NCS1: variants seen among roughly 807,000 people sequenced by gnomAD.
The protein encoded by NCS1 is neuronal calcium sensor 1, also known as frequenin homolog.
A neutral mutation model predicts 28.4 loss-of-function variants in NCS1; 6 were observed. That is an observed-to-expected ratio of 0.21 (90% CI 0.12 to 0.42). The LOEUF (loss-of-function observed/expected upper bound fraction) is 0.42. NCS1 is among the 10% of genes least tolerant of loss of function. NCS1 has a pLI of 1.00. For synonymous variants in NCS1, 86 were observed against 99.3 expected (o/e 0.87, Z 0.79); for missense variants, 131 against 241.4 (o/e 0.54, Z 3.03).
chr9:130,198,622 G>A (rs1214582488), intron 1 of NCS1, among the ~76,000 whole-genome samples: 4 of 152,222 alleles, frequency 2.6e-5, no homozygotes, highest in Non-Finnish European at 5.9e-5. Context: ...TTGGGAAAAC[G>A]GGGTCACACC....
Position 130,192,636 on chromosome 9 carries a change from C to T in NCS1, c.65-8322C>T, listed in dbSNP as rs989153651. On this transcript the variant is annotated intron_variant, in intron 1 of 7. Transcript: ENST00000372398. This position sits in a 1 kb window ranked among gnomAD's most constrained non-coding sequence, Gnocchi z 4.8. Reference sequence around the variant, plus strand: ...AGCAAAGGTGGGCAGCCAGGACTCCCTGCCCACCCAGGAACACCAGCATAT... The same window carrying T: ...AGCAAAGGTGGGCAGCCAGGACTCCTTGCCCACCCAGGAACACCAGCATAT... Among the ~76,000 whole-genome samples the T allele has an allele frequency of 1.3e-5, 2 of 152,056 alleles. No homozygotes were observed. Among genetic ancestry groups the T allele is most frequent in the Non-Finnish European group, 2.9e-5 (2 of 67,986 alleles).
rs1016740115 is a variant in NCS1 at position 130,186,774 on chromosome 9, G to A, written c.64+14047G>A. 2.0e-5 allele frequency among the ~76,000 whole-genome samples: 3 copies of A among 152,232 alleles called. No individual in the cohort carries two copies. Among genetic ancestry groups the A allele is most frequent in the Admixed American group, 1.3e-4 (2 of 15,292 alleles). ...GAGGTGTCAAGGTTTGGCAACTCTGGGGACATGAAATTGCACGGTGACTGC... is the reference window on the plus strand; with the variant it reads ...GAGGTGTCAAGGTTTGGCAACTCTGAGGACATGAAATTGCACGGTGACTGC... On this transcript the variant is annotated intron_variant, in intron 1 of 7. Coordinates refer to ENST00000372398, the MANE Select transcript of NCS1 (RefSeq NM_014286.4). This position sits in a 1 kb window ranked among gnomAD's most constrained non-coding sequence, Gnocchi z 4.1.
chr9:130,198,486 A>G (rs1832903436), intron 1 of NCS1, among the ~76,000 whole-genome samples: 1 of 152,162 alleles, frequency 6.6e-6, no homozygotes, highest in African/African-American at 2.4e-5. Context: ...AGACTCAAGG[A>G]GTTGTATCCA....
chr9:130,196,395 T>C (rs782058493), intron 1 of NCS1, among the ~76,000 whole-genome samples: 7 of 152,214 alleles, frequency 4.6e-5, no homozygotes, highest in African/African-American at 1.2e-4. Context: ...TTCTAAACCA[T>C]GTCACAAGAG....
At position 130,226,972 on chromosome 9, in the gene NCS1, G is replaced by A. The variant is rs547992250; in HGVS notation, c.*17+468G>A. The stretch of plus-strand genomic sequence containing the variant: ...CAGGAGGTGGAGATTGCAGTGAGCC[G>A]AGATCGTGCCACTGCACTCCAGCCT... On this transcript the variant is annotated intron_variant, in intron 7 of 7. Coordinates refer to ENST00000372398, the MANE Select transcript of NCS1 (RefSeq NM_014286.4). This position sits in a 1 kb window ranked among gnomAD's most constrained non-coding sequence, Gnocchi z 4.8. Among the ~76,000 whole-genome samples the A allele has an allele frequency of 1.8e-4, 26 of 144,382 alleles. No individual in the cohort carries two copies. The highest frequency in any genetic ancestry group is 5.5e-4 in the African/African-American group (21 of 38,452). 94.7% of individuals were successfully genotyped at this position (144,382 alleles called of 152,430 possible). A position where few individuals can be genotyped will look rare whatever the true frequency, so the allele number is the denominator to read the frequency against.
chr9:130,199,600 A>G (rs1333757963), intron 1 of NCS1, among the ~76,000 whole-genome samples: 1 of 152,158 alleles, frequency 6.6e-6, no homozygotes, highest in East Asian at 1.9e-4. Context: ...CAGTTTCCAC[A>G]TTTGGAGCTG....
chr9:130,181,054 T>G lies in NCS1; in HGVS notation c.64+8327T>G, dbSNP rs1554905103. Among the ~76,000 whole-genome samples the G allele has an allele frequency of 6.6e-6, 1 of 152,174 alleles. No individual in the cohort carries two copies. Among genetic ancestry groups the G allele is most frequent in the Non-Finnish European group, 1.5e-5 (1 of 68,036 alleles). On this transcript the variant is annotated intron_variant, in intron 1 of 7. Coordinates refer to ENST00000372398, the MANE Select transcript of NCS1 (RefSeq NM_014286.4). The surrounding 1 kb of genome is among the most constrained non-coding windows in gnomAD (Gnocchi z 5.0). ...ACCATCATGGCCTGGACAGTGGCTT[T>G]GGAGTCACTAGTTCCCTCTGGGACT...
chr9:130,225,075 C>G (rs1171520014), intron 6 of NCS1, among the ~76,000 whole-genome samples: 2 of 152,114 alleles, frequency 1.3e-5, no homozygotes, highest in Non-Finnish European at 2.9e-5. Context: ...ACCTGTGGTC[C>G]CAGCTACTCG....
intron 1 of NCS1, among the ~76,000 whole-genome samples, chr9:130,190,032 A>AG (rs1554906086): frequency 3.3e-5 from 4 of 120,470 alleles, no homozygotes; most frequent in African/African-American, 3.3e-5. Context: ...ATGTTTATGC[A>AG]AGAGAGAGAG....
intron 2 of NCS1, among the ~76,000 whole-genome samples, chr9:130,214,542 G>A (rs1833157475): frequency 6.6e-6 from 1 of 152,208 alleles, no homozygotes; most frequent in South Asian, 2.1e-4. Context: ...GATGCTGGAG[G>A]CGGGACGAGG....
chr9:130,195,435 G>GTT (rs782788352), intron 1 of NCS1, among the ~76,000 whole-genome samples: 43 of 142,902 alleles, frequency 3.0e-4, no homozygotes, highest in African/African-American at 8.9e-4. Flanking sequence ...GCTGGGCTTT[G>GTT]TTTTTTTTTT....
Position 130,192,129 on chromosome 9 carries a change from T to G in NCS1, c.65-8829T>G, listed in dbSNP as rs1554906315. 6.6e-6 allele frequency among the ~76,000 whole-genome samples: 1 copy of G among 152,074 alleles called. No individual in the cohort carries two copies. The highest frequency in any genetic ancestry group is 1.5e-5 in the Non-Finnish European group (1 of 67,962). ...CAGCTGCCCTTTAGCCAGGCAGTGG[T>G]GGCAGACAGGTATGGGATTGGGAGT... On this transcript the variant is annotated intron_variant, in intron 1 of 7. Transcript: ENST00000372398. The surrounding 1 kb of genome is among the most constrained non-coding windows in gnomAD (Gnocchi z 4.8).
rs558728291 is a variant in NCS1, at chr9:130,223,681, C to G, written c.474+522C>G. Among the ~76,000 whole-genome samples, 43 of 152,164 alleles carry G rather than the reference C, an allele frequency of 2.8e-4. 1 individual carries two copies. In the South Asian group the frequency reaches 8.9e-3, roughly 32 times the overall value. On this transcript the variant is annotated intron_variant, in intron 6 of 7. Transcript: ENST00000372398. ...TGAAAATACCTGTGATCCCTACTGT[C>G]GACAGATCACAGGTACTGCAGGTCC...
intron 1 of NCS1, among the ~76,000 whole-genome samples, chr9:130,190,495 C>T (rs371378641): frequency 4.6e-5 from 7 of 152,286 alleles, no homozygotes; most frequent in Middle Eastern, 6.8e-3. Flanking sequence ...TGTCACACAA[C>T]TGGAACATGG....
chr9:130,199,659 G>T (rs1832916633), intron 1 of NCS1, among the ~76,000 whole-genome samples: 1 of 152,228 alleles, frequency 6.6e-6, no homozygotes, highest in African/African-American at 2.4e-5. Context: ...GAGCCGTTGA[G>T]CTAAAGCACA....
intron 4 of NCS1, among the ~76,000 whole-genome samples, chr9:130,220,131 A>G (rs1833255371): frequency 6.6e-6 from 1 of 152,194 alleles, no homozygotes; most frequent in South Asian, 2.1e-4. Flanking sequence ...AGAGGCTGGC[A>G]GGAGCCTTGG....
At chr9:130,200,697 A>C in intron 1 of NCS1, 1 of 1,542,020 alleles carries the variant, frequency 6.5e-7, no homozygotes. Context: ...GGGCTCTCCC[A>C]GCAGCGGCAG....
chr9:130,227,333 A>G (rs1833429679), intron 7 of NCS1, among the ~76,000 whole-genome samples: 1 of 152,166 alleles, frequency 6.6e-6, no homozygotes, highest in Admixed American at 6.5e-5. Flanking sequence ...GTGGGTGTGA[A>G]TAACGTCCAA....
At chr9:130,218,519 T>C (rs1325460127) in intron 3 of NCS1, among the ~76,000 whole-genome samples, 1 of 152,022 alleles carries the variant, frequency 6.6e-6, no homozygotes, top group Non-Finnish European at 1.5e-5. Flanking sequence ...TGCAAATACC[T>C]CCCATGATAA....
Sources: allele counts gnomAD v4.1 joint callset (sites outside exome capture counted in the v4.1 genomes callset), GRCh38; gene constraint gnomAD v4.1.1; non-coding constraint Gnocchi (gnomAD v3.1); transcripts MANE v1.5; gene names NCBI Gene and HGNC (gene_info 2026-07-23, HGNC 2026-07-21).